The following HIVEP3 variants were observed in gnomAD, a reference collection of about 807,000 sequenced individuals.
HIVEP3 encodes transcription factor HIVEP3.
A neutral mutation model predicts 152.8 loss-of-function variants in HIVEP3; 49 were observed. The observed-to-expected ratio is 0.32, with a 90% confidence interval of 0.26 to 0.41. The LOEUF is 0.41. Ranked by LOEUF, HIVEP3 falls within the 10% of genes least tolerant of loss-of-function variation. The pLI, the probability that HIVEP3 is intolerant of heterozygous loss-of-function variation, is 1.00. For missense variants in HIVEP3, 2,790 were observed against 3,103.3 expected, an observed-to-expected ratio of 0.90 and a Z score of 2.40; for synonymous variants, 1,269 against 1,289.0, an observed-to-expected ratio of 0.98 and a Z score of 0.33.
At chr1:41,637,374 T>G (rs1477054976) in intron 2 of HIVEP3, among the ~76,000 whole-genome samples, 3 of 152,252 alleles carry the variant, frequency 2.0e-5, no homozygotes, top group Admixed American at 2.0e-4. Flanking sequence ...AGATTCATTG[T>G]GGCTTTGTCT....
At chr1:41,635,135 C>T (rs1364596579) in intron 2 of HIVEP3, among the ~76,000 whole-genome samples, 1 of 151,856 alleles carries the variant, frequency 6.6e-6, no homozygotes, top group Non-Finnish European at 1.5e-5. Flanking sequence ...TAACAAATAG[C>T]AAAAAATAAA....
At chr1:41,618,926 C>T (rs1451738571) in intron 3 of HIVEP3, among the ~76,000 whole-genome samples, 1 of 152,226 alleles carries the variant, frequency 6.6e-6, no homozygotes, top group African/African-American at 2.4e-5. Flanking sequence ...CTTCCCATGG[C>T]CCCCGCAGTT....
chr1:41,846,507 C>T (rs1011600808), intron 1 of HIVEP3, among the ~76,000 whole-genome samples: 14 of 152,180 alleles, frequency 9.2e-5, no homozygotes, highest in African/African-American at 3.4e-4. Flanking sequence ...AGGTTGTATC[C>T]GGTGAGGATG....
intron 1 of HIVEP3, among the ~76,000 whole-genome samples, chr1:41,704,800 A>G (rs1407228035): frequency 1.3e-5 from 2 of 152,226 alleles, no homozygotes; most frequent in Admixed American, 1.3e-4. Flanking sequence ...GCTGAACCAT[A>G]GAGAGGGAAA....
intron 1 of HIVEP3, among the ~76,000 whole-genome samples, chr1:41,964,251 T>C (rs1300414115): frequency 6.6e-6 from 1 of 152,116 alleles, no homozygotes; most frequent in Non-Finnish European, 1.5e-5. Flanking sequence ...GCAGTTGATG[T>C]GACCCACGCA....
intron 1 of HIVEP3, among the ~76,000 whole-genome samples, chr1:41,725,077 G>T (rs1355546389): frequency 2.6e-5 from 4 of 152,178 alleles, no homozygotes; most frequent in African/African-American, 9.7e-5. Context: ...CAAGTGACCT[G>T]CCCAGAGTCA....
chr1:41,697,701 C>G (rs1375844613), intron 2 of HIVEP3, among the ~76,000 whole-genome samples: 1 of 152,218 alleles, frequency 6.6e-6, no homozygotes, highest in African/African-American at 2.4e-5. Context: ...TGATCTGAGG[C>G]CTTTGCTCCA....
intron 1 of HIVEP3, among the ~76,000 whole-genome samples, chr1:42,023,069 C>T (rs930415201): frequency 1.3e-5 from 2 of 152,256 alleles, no homozygotes; most frequent in Admixed American, 6.5e-5. Context: ...CTCACTCTGT[C>T]GTCCAGGCTG....
chr1:41,751,835 TG>T (rs1570459729), intron 1 of HIVEP3, among the ~76,000 whole-genome samples: 1 of 152,082 alleles, frequency 6.6e-6, no homozygotes, highest in African/African-American at 2.4e-5. Flanking sequence ...ATCACACAGA[TG>T]GTATCATACT....
chr1:41,829,176 T>C (rs538581337), intron 1 of HIVEP3, among the ~76,000 whole-genome samples: 1 of 152,222 alleles, frequency 6.6e-6, no homozygotes, highest in African/African-American at 2.4e-5. Context: ...TATTATTCCA[T>C]GGAAACAATA....
chr1:41,966,821 C>T (rs1645201498), intron 1 of HIVEP3, among the ~76,000 whole-genome samples: 1 of 151,828 alleles, frequency 6.6e-6, no homozygotes, highest in Admixed American at 6.6e-5. Context: ...CAGGCAAAGA[C>T]ATACATAGGC....
chr1:41,561,041 C>A (rs1320532915), intron 5 of HIVEP3, among the ~76,000 whole-genome samples: 5 of 152,192 alleles, frequency 3.3e-5, no homozygotes, highest in Non-Finnish European at 7.3e-5. Context: ...GCTCCCTCAC[C>A]CAGGCCTTTT....
chr1:41,525,238 G>A lies in HIVEP3; in HGVS notation c.5208-328C>T, dbSNP rs573512947. 1.8e-4 allele frequency among the ~76,000 whole-genome samples: 28 copies of A among 152,264 alleles called. No individual in the cohort carries two copies. The East Asian group carries it at 3.7e-3, about 20-fold the overall frequency. ...GCACAGCCAGCCCAGCTACAGCTTC[G>A]CCCACAAAGAACAGCCACCGCAGGC... On this transcript the variant is annotated intron_variant, in intron 5 of 8. Transcript: ENST00000372583.
chr1:41,927,754 G>T lies in HIVEP3; in HGVS notation n.120-9230C>A, dbSNP rs181045484. Among the ~76,000 whole-genome samples the T allele has an allele frequency of 4.9e-3, 750 of 152,206 alleles. 5 individuals are homozygous for T. Among genetic ancestry groups the T allele is most frequent in the Non-Finnish European group, 7.9e-3 (536 of 68,010 alleles). ...TCATACCTCTCTTAGAAGGATAAAA[G>T]AATTATCTTTTAAAAACGGCTTGTA... On this transcript the variant is annotated intron_variant and non_coding_transcript_variant, in intron 1 of 3. Transcript: ENST00000489103.
intron 1 of HIVEP3, among the ~76,000 whole-genome samples, chr1:41,769,677 C>T (rs763398627): frequency 1.3e-5 from 2 of 152,200 alleles, no homozygotes; most frequent in Non-Finnish European, 2.9e-5. Flanking sequence ...ATGATCAAAA[C>T]ATCCAATGAC....
At chr1:41,643,209 C>A (rs1042360654) in intron 2 of HIVEP3, among the ~76,000 whole-genome samples, 1 of 152,232 alleles carries the variant, frequency 6.6e-6, no homozygotes, top group African/African-American at 2.4e-5. Context: ...CTTCTTGCCA[C>A]TTCTGATGCC....
chr1:41,709,536 AT>A (rs1646482528), intron 1 of HIVEP3, among the ~76,000 whole-genome samples: 1 of 152,208 alleles, frequency 6.6e-6, no homozygotes, highest in Non-Finnish European at 1.5e-5. Context: ...TTTCCTGACG[AT>A]CTTCCTTGTT....
intron 1 of HIVEP3, among the ~76,000 whole-genome samples, chr1:41,991,591 C>T (rs1645361844): frequency 6.7e-6 from 1 of 149,228 alleles, no homozygotes; most frequent in African/African-American, 2.5e-5. Context: ...TGGTACCATT[C>T]CTTCTGAAAC....
At chr1:41,642,970 T>C (rs1219188033) in intron 2 of HIVEP3, among the ~76,000 whole-genome samples, 1 of 152,104 alleles carries the variant, frequency 6.6e-6, no homozygotes, top group Non-Finnish European at 1.5e-5. Flanking sequence ...TTCTCCCTCT[T>C]CCTCAGCCTC....
Sources: gnomAD v4.1 joint callset for allele counts (sites outside exome capture counted in the v4.1 genomes callset) on GRCh38, gnomAD v4.1.1 for gene constraint, MANE v1.5 for transcripts, NCBI Gene and HGNC (gene_info 2026-07-23, HGNC 2026-07-21) for gene names.